The following IL23R variants were observed in gnomAD, a reference collection of about 807,000 sequenced individuals.
IL23R encodes interleukin 23 receptor.
Under a neutral mutation model 56.9 loss-of-function variants are expected in IL23R, and 34 were observed. The observed-to-expected ratio is 0.60, with a 90% confidence interval of 0.45 to 0.80. The LOEUF is 0.80. IL23R is among the 30% of genes least tolerant of loss of function. The pLI is 0.00. For missense variants in IL23R, 635 were observed against 730.0 expected, an observed-to-expected ratio of 0.87 and a Z score of 1.50; for synonymous variants, 230 against 249.2, an observed-to-expected ratio of 0.92 and a Z score of 0.73.
chr1:67,235,586 G>T (rs1651421965), intron 7 of IL23R, among the ~76,000 whole-genome samples: 1 of 151,956 alleles, frequency 6.6e-6, no homozygotes, highest in South Asian at 2.1e-4. Context: ...TAGAAACAGG[G>T]TTTCACCATG....
intron 7 of IL23R, among the ~76,000 whole-genome samples, chr1:67,230,394 T>C (rs1651020216): frequency 6.6e-6 from 1 of 152,218 alleles, no homozygotes; most frequent in African/African-American, 2.4e-5. Flanking sequence ...AGGGTGTACT[T>C]CTGAGGAATC....
At chr1:67,175,911 A>G (rs548433095) in intron 3 of IL23R, among the ~76,000 whole-genome samples, 1 of 152,236 alleles carries the variant, frequency 6.6e-6, no homozygotes, top group African/African-American at 2.4e-5. Context: ...TGCAGCCTCA[A>G]ACTCCTAGGC....
In IL23R at chr1:67,191,943, A is replaced by T. The variant is rs557816197; in HGVS notation, c.492-8794A>T. Among the ~76,000 whole-genome samples the T allele has an allele frequency of 2.8e-3, 417 of 148,274 alleles. 3 individuals are homozygous for T. Among genetic ancestry groups the T allele is most frequent in the African/African-American group, 9.9e-3 (397 of 40,034 alleles). ...CTTCATTTCAGATAAATTCATAGTG[A>T]CCCAGAGCTCTATATTTTGTCAGCC... is the stretch of plus-strand genomic sequence containing the variant. On this transcript the variant is annotated intron_variant, in intron 4 of 10. Coordinates refer to ENST00000347310, the MANE Select transcript of IL23R (RefSeq NM_144701.3).
chr1:67,176,228 G>GA (rs1321771839), intron 3 of IL23R, among the ~76,000 whole-genome samples: 1 of 151,886 alleles, frequency 6.6e-6, no homozygotes, highest in Non-Finnish European at 1.5e-5. Flanking sequence ...TAGCTGTTAA[G>GA]AAAAAAAGAA....
At chr1:67,198,038 A>G (rs111419357) in intron 4 of IL23R, among the ~76,000 whole-genome samples, 4 of 152,274 alleles carry the variant, frequency 2.6e-5, no homozygotes, top group African/African-American at 9.6e-5. Context: ...CAGGCTGTCC[A>G]GGAAGATTGT....
At chr1:67,255,118 C>G (rs943854935) in intron 9 of IL23R, among the ~76,000 whole-genome samples, 1 of 152,202 alleles carries the variant, frequency 6.6e-6, no homozygotes, top group Admixed American at 6.5e-5. Flanking sequence ...ATATAACATT[C>G]TCTTTTTAAA....
intron 10 of IL23R, among the ~76,000 whole-genome samples, chr1:67,256,334 G>T (rs756306213): frequency 3.9e-5 from 6 of 152,202 alleles, no homozygotes; most frequent in Non-Finnish European, 7.3e-5. Context: ...TGGAGCCCAA[G>T]AAGGGCATCA....
At chr1:67,242,595 T>G (rs2100337256) in intron 9 of IL23R, among the ~76,000 whole-genome samples, 1 of 152,248 alleles carries the variant, frequency 6.6e-6, no homozygotes, top group Admixed American at 6.5e-5. Flanking sequence ...CCTCCTCAGT[T>G]GTGAGATTAT....
intron 9 of IL23R, among the ~76,000 whole-genome samples, chr1:67,245,156 T>C (rs1245906549): frequency 6.6e-6 from 1 of 152,206 alleles, no homozygotes; most frequent in Non-Finnish European, 1.5e-5. Context: ...TTTTGCACAT[T>C]AATTTTGTAT....
intron 9 of IL23R, among the ~76,000 whole-genome samples, chr1:67,246,264 C>T (rs975593686): frequency 3.3e-5 from 5 of 152,080 alleles, no homozygotes; most frequent in Non-Finnish European, 7.4e-5. Context: ...AAAACCAGCT[C>T]CTGGATTCAT....
At chr1:67,255,491 T>G (rs558738873) in intron 9 of IL23R, among the ~76,000 whole-genome samples, 7 of 152,180 alleles carry the variant, frequency 4.6e-5, no homozygotes, top group African/African-American at 1.7e-4. Flanking sequence ...CCAGAGTGAG[T>G]GCAGTGGCAT....
intron 4 of IL23R, among the ~76,000 whole-genome samples, chr1:67,187,721 C>A (rs183890649): frequency 6.3e-4 from 96 of 152,266 alleles, no homozygotes; most frequent in Non-Finnish European, 1.1e-3. Flanking sequence ...GATTTAATTT[C>A]CAGTTCTGAA....
At chr1:67,180,114 T>C (rs1410217350) in intron 3 of IL23R, among the ~76,000 whole-genome samples, 1 of 152,170 alleles carries the variant, frequency 6.6e-6, no homozygotes, top group African/African-American at 2.4e-5. Context: ...GGTGGAGAGT[T>C]CTGTAGATGT....
chr1:67,226,032 C>G (rs1021390765), intron 7 of IL23R, among the ~76,000 whole-genome samples: 1 of 152,230 alleles, frequency 6.6e-6, no homozygotes, highest in Middle Eastern at 3.2e-3. Context: ...TCCCTGACTC[C>G]TGTCGCATAT....
At position 67,189,766 on chromosome 1, in the gene IL23R, G is replaced by A. The variant is rs568017935; in HGVS notation, c.491+6807G>A. Reference sequence around the variant, plus strand: ...TTGAGACCAACCTGGGCAACATGGCGAAAAATACAAAAAATATAAAAATTT... The same window carrying A: ...TTGAGACCAACCTGGGCAACATGGCAAAAAATACAAAAAATATAAAAATTT... On this transcript the variant is annotated intron_variant, in intron 4 of 10. Coordinates refer to ENST00000347310, the MANE Select transcript of IL23R (RefSeq NM_144701.3). 9.2e-5 allele frequency among the ~76,000 whole-genome samples: 14 copies of A among 152,040 alleles called. No homozygotes were observed. The East Asian group carries it at 2.1e-3, about 23-fold the overall frequency.
chr1:67,209,901 C>G (rs1649339702), intron 6 of IL23R, among the ~76,000 whole-genome samples: 1 of 152,160 alleles, frequency 6.6e-6, no homozygotes, highest in Non-Finnish European at 1.5e-5. Context: ...ATCTAATTAG[C>G]TATTTGTAAT....
chr1:67,177,338 T>C (rs959838458), intron 3 of IL23R, among the ~76,000 whole-genome samples: 1 of 152,202 alleles, frequency 6.6e-6, no homozygotes, highest in Non-Finnish European at 1.5e-5. Context: ...TATCTCATTG[T>C]GGTTTTGATT....
intron 3 of IL23R, among the ~76,000 whole-genome samples, chr1:67,181,107 G>C (rs1373850879): frequency 7.2e-5 from 11 of 152,086 alleles, no homozygotes; most frequent in Non-Finnish European, 1.6e-4. Flanking sequence ...CTTGGAGTTG[G>C]TCTTCTCGAG....
At chr1:67,174,067 ATTAAGT>A (rs1452147534) in intron 3 of IL23R, among the ~76,000 whole-genome samples, 2 of 152,162 alleles carry the variant, frequency 1.3e-5, no homozygotes, top group African/African-American at 4.8e-5. Flanking sequence ...ATTTTGGAAA[ATTAAGT>A]TTGTTTACAA....
Sources: gnomAD v4.1 joint callset for allele counts (sites outside exome capture counted in the v4.1 genomes callset) on GRCh38, gnomAD v4.1.1 for gene constraint, MANE v1.5 for transcripts, NCBI Gene and HGNC (gene_info 2026-07-23, HGNC 2026-07-21) for gene names.